Variants in TAF2 observed in about 807,000 individuals in gnomAD.
TAF2 encodes the protein transcription initiation factor TFIID subunit 2.
A neutral mutation model predicts 138.5 loss-of-function variants in TAF2; 61 were observed. The observed-to-expected ratio is 0.44, with a 90% CI of 0.36 to 0.54. The LOEUF (loss-of-function observed/expected upper bound fraction) is 0.54. Ranked by LOEUF, TAF2 falls within the 20% of genes least tolerant of loss-of-function variation. The probability of loss-of-function intolerance (pLI) is 0.00; values close to 1 mark genes in which losing one functional copy is unlikely to be tolerated. For missense variants in TAF2, 1,090 were observed against 1,427.9 expected, an observed-to-expected ratio of 0.76 and a Z score of 3.81; for synonymous variants, 475 against 469.9, an observed-to-expected ratio of 1.01 and a Z score of -0.14.
intron 22 of TAF2, among the ~76,000 whole-genome samples, chr8:119,754,358 G>A (rs1442543866): frequency 3.2e-4 from 48 of 152,176 alleles, no homozygotes; most frequent in Admixed American, 3.1e-3. Context: ...CAATATCATA[G>A]AGAGCAAATA....
At chr8:119,832,438 G>C in intron 1 of TAF2, 44 bp downstream of exon 1, 1 of 1,586,622 alleles carries the variant, frequency 6.3e-7, no homozygotes, top group Admixed American at 1.7e-5. Context: ...ATAATTAATG[G>C]CAACAAAACC....
At position 119,733,397 on chromosome 8, in the gene TAF2, A is replaced by G. The variant is rs146019747; in HGVS notation, c.3338-1211T>C. ...AGAGTAGTGTCAGTACAAAGAAAGA[A>G]ACAGAATTAGAAGGCCCATACTCTA... On this transcript the variant is annotated intron_variant, in intron 25 of 25. Transcript: ENST00000378164. Among the ~76,000 whole-genome samples the G allele has an allele frequency of 1.6e-3, 247 of 152,292 alleles. 1 individual carries two copies. The highest frequency in any genetic ancestry group is 5.6e-3 in the African/African-American group (233 of 41,554).
At chr8:119,812,690 A>G (rs1825156739) in intron 3 of TAF2, among the ~76,000 whole-genome samples, 1 of 149,338 alleles carries the variant, frequency 6.7e-6, no homozygotes, top group South Asian at 2.1e-4. Context: ...ACATTTCATT[A>G]TTTTTTTATG....
At chr8:119,831,785 A>G (rs1826463903) in intron 1 of TAF2, 54 bp from the exon 2 acceptor site, 2 of 1,170,466 alleles carry the variant, frequency 1.7e-6, no homozygotes, top group Non-Finnish European at 2.4e-6. Flanking sequence ...TTATTATTAA[A>G]TCAAAGTATA....
At position 119,760,589 on chromosome 8, in the gene TAF2, A is replaced by G. The variant is rs184891630; in HGVS notation, c.2698+10T>C. 28 of 1,612,116 alleles carry G rather than the reference A, an allele frequency of 1.7e-5. No homozygotes were observed. In the Admixed American group the frequency reaches 4.3e-4, roughly 25 times the overall value. ...TAAAATGATATGAGCACGTATTTCT[A>G]AAGTATTACCTTTAGTATAATCAAC... On this transcript the variant is annotated intron_variant, in intron 20 of 25. Coordinates refer to ENST00000378164, the MANE Select transcript of TAF2 (RefSeq NM_003184.4).
intron 2 of TAF2, among the ~76,000 whole-genome samples, chr8:119,822,652 A>T (rs1380311727): frequency 6.6e-6 from 1 of 152,220 alleles, no homozygotes; most frequent in Non-Finnish European, 1.5e-5. Context: ...ACTTCCATCC[A>T]GGAAGAATCA....
At chr8:119,742,701 TTCCC>T in intron 24 of TAF2, 45 bp from the exon 25 acceptor site, 1 of 1,605,966 alleles carries the variant, frequency 6.2e-7, no homozygotes, top group Admixed American at 1.7e-5. Context: ...ATTTCTTTGT[TTCCC>T]AAAAGAAAAA....
At chr8:119,827,063 C>T (rs970828592) in intron 2 of TAF2, among the ~76,000 whole-genome samples, 1 of 152,092 alleles carries the variant, frequency 6.6e-6, no homozygotes, top group Admixed American at 6.5e-5. Context: ...GCTGGTGGTA[C>T]GTGCCTGTGG....
chr8:119,737,868 GC>G (rs57545558), intron 25 of TAF2, among the ~76,000 whole-genome samples: 15,487 of 151,906 alleles, frequency 0.1, 1,209 homozygotes, highest in African/African-American at 0.22. Context: ...AGTGTTACAT[GC>G]CTATATTCCT....
At chr8:119,740,586 AC>A (rs1250906245) in intron 25 of TAF2, among the ~76,000 whole-genome samples, 1 of 148,960 alleles carries the variant, frequency 6.7e-6, no homozygotes, top group Non-Finnish European at 1.5e-5. Context: ...AATCACTTGA[AC>A]CCAGGAGGTG....
At chr8:119,750,805 G>A (rs1820298997) in intron 22 of TAF2, among the ~76,000 whole-genome samples, 1 of 152,100 alleles carries the variant, frequency 6.6e-6, no homozygotes, top group Non-Finnish European at 1.5e-5. Flanking sequence ...CTACTCCCTT[G>A]AGTGTAGTTG....
intron 8 of TAF2, among the ~76,000 whole-genome samples, chr8:119,796,303 A>G (rs1478653134): frequency 6.6e-6 from 1 of 151,748 alleles, no homozygotes; most frequent in Admixed American, 6.6e-5. Context: ...TCTCCTCTCC[A>G]CTCCAGCAAG....
At chr8:119,783,761 T>C in intron 15 of TAF2, 128 bp from the exon 16 acceptor site, 4 of 1,115,404 alleles carry the variant, frequency 3.6e-6, no homozygotes, top group Non-Finnish European at 3.8e-6. Context: ...CTGCCTGGAG[T>C]TTTACTGTAT....
At chr8:119,785,357 A>G in intron 14 of TAF2, 91 bp from the exon 15 acceptor site, 1 of 874,070 alleles carries the variant, frequency 1.1e-6, no homozygotes, top group Admixed American at 2.0e-5. Flanking sequence ...AAAGTATTTC[A>G]CACAACATTG....
At chr8:119,738,284 C>A (rs1417821353) in intron 25 of TAF2, among the ~76,000 whole-genome samples, 2 of 152,046 alleles carry the variant, frequency 1.3e-5, no homozygotes, top group African/African-American at 4.8e-5. Flanking sequence ...TTGGGACACA[C>A]AAGTTTACTT....
chr8:119,731,917 C>T lies in TAF2; in HGVS notation c.*7G>A. The T allele has an allele frequency of 2.5e-6, 4 of 1,613,376 alleles. No individual in the cohort carries two copies. The highest frequency in any genetic ancestry group is 3.4e-6 in the Non-Finnish European group (4 of 1,179,360). ...GACATGAAAGGAAAGGTCTTTTTGT[C>T]CCCTTCTCAGTCTGAAAGGGAAGGA... On this transcript the variant is annotated 3_prime_UTR_variant, in exon 26 of 26. Coordinates refer to ENST00000378164, the MANE Select transcript of TAF2 (RefSeq NM_003184.4).
intron 3 of TAF2, among the ~76,000 whole-genome samples, chr8:119,818,668 C>T (rs1825630196): frequency 1.3e-5 from 2 of 151,538 alleles, no homozygotes; most frequent in Admixed American, 1.3e-4. Flanking sequence ...AATAATTATA[C>T]AAACTATACT....
At chr8:119,738,622 A>C (rs1175576303) in intron 25 of TAF2, among the ~76,000 whole-genome samples, 1 of 152,174 alleles carries the variant, frequency 6.6e-6, no homozygotes, top group East Asian at 1.9e-4. Context: ...ACTCAATGTA[A>C]ACTCTTTCCT....
rs567524605 is a variant in TAF2, at chr8:119,760,705, G to A, written c.2592C>T (p.Asn864=). ...CLRAIRVLQK[N]GHVPSDPALF... is the part of the protein sequence containing the mutation. ...GAGCTGGATCACTTGGCACATGTCC[G>A]TTCTTCTGAAGTACCCGTATGGCTC... is the stretch of plus-strand genomic sequence containing the variant. The change falls in exon 20 of 26, where the codon AAC becomes AAT. Residue 864 remains asparagine (N), a synonymous_variant. Coordinates refer to ENST00000378164, the MANE Select transcript of TAF2 (RefSeq NM_003184.4). 37 of 1,613,766 alleles carry A rather than the reference G, an allele frequency of 2.3e-5. No homozygotes were observed. The highest frequency in any genetic ancestry group is 2.9e-5 in the Non-Finnish European group (34 of 1,179,936).
Sources: gnomAD v4.1 joint callset for allele counts (sites outside exome capture counted in the v4.1 genomes callset) on GRCh38, gnomAD v4.1.1 for gene constraint, MANE v1.5 for transcripts, NCBI Gene and HGNC (gene_info 2026-07-23, HGNC 2026-07-21) for gene names.